IL1RAPL2: variants seen among roughly 807,000 people sequenced by gnomAD.
The protein encoded by IL1RAPL2 is X-linked interleukin-1 receptor accessory protein-like 2.
A neutral mutation model predicts 44.1 loss-of-function variants in IL1RAPL2; 3 were observed. The observed-to-expected ratio is 0.07, with a 90% confidence interval of 0.03 to 0.18. IL1RAPL2 has a LOEUF of 0.18. Ranked by LOEUF, IL1RAPL2 falls within the 10% of genes least tolerant of loss-of-function variation. IL1RAPL2 has a pLI of 1.00. For missense variants in IL1RAPL2, 391 were observed against 496.4 expected (o/e 0.79, Z 2.02); for synonymous variants, 181 against 178.8 (o/e 1.01, Z -0.10).
In IL1RAPL2 at chrX:104,780,938, T is replaced by A. The variant is rs147006949; in HGVS notation, c.82+121943T>A. On this transcript the variant is annotated intron_variant, in intron 2 of 10. Transcript: ENST00000372582. Reference sequence around the variant, plus strand: ...CTTACTTTTAGAGTTTCTTATTCTATCAGAATTCAAATTAACAGAACTTCT... The same window carrying A: ...CTTACTTTTAGAGTTTCTTATTCTAACAGAATTCAAATTAACAGAACTTCT... 8.6e-3 allele frequency among the ~76,000 whole-genome samples: 957 copies of A among 111,898 alleles called. 8 individuals carry two copies. The highest frequency in any genetic ancestry group is 0.03 in the African/African-American group (914 of 30,849).
intron 5 of IL1RAPL2, among the ~76,000 whole-genome samples, chrX:105,333,120 A>G (rs1367801065): frequency 9.0e-6 from 1 of 111,637 alleles, no homozygotes; most frequent in African/African-American, 3.3e-5. Flanking sequence ...AAATTATACT[A>G]CAGCGCTATA....
intron 3 of IL1RAPL2, chrX:105,220,424 C>G: frequency 1.8e-6 from 2 of 1,142,684 alleles, no homozygotes; most frequent in Non-Finnish European, 1.2e-6. Context: ...AACGGTTTCA[C>G]TAGCCCTGTG....
intron 5 of IL1RAPL2, among the ~76,000 whole-genome samples, chrX:105,460,166 T>C (rs1315237461): frequency 1.8e-5 from 2 of 111,135 alleles, no homozygotes; most frequent in East Asian, 5.7e-4. Flanking sequence ...TCATAATAAA[T>C]GGACAAGCAG....
intron 2 of IL1RAPL2, among the ~76,000 whole-genome samples, chrX:104,678,564 T>C (rs1372536540): frequency 8.9e-6 from 1 of 111,933 alleles, no homozygotes; most frequent in Non-Finnish European, 1.9e-5. Context: ...TCTTCCTCAG[T>C]CACTCTAATT....
intron 6 of IL1RAPL2, among the ~76,000 whole-genome samples, chrX:105,489,195 G>A (rs2036291478): frequency 9.0e-6 from 1 of 111,631 alleles, no homozygotes; most frequent in African/African-American, 3.3e-5. Context: ...ACACGTACGT[G>A]CAAAATTCCA....
At chrX:104,716,656 C>T (rs1931572535) in intron 2 of IL1RAPL2, among the ~76,000 whole-genome samples, 1 of 111,201 alleles carries the variant, frequency 9.0e-6, no homozygotes, top group African/African-American at 3.3e-5. Flanking sequence ...ATCCACCCAA[C>T]AAGCATATGA....
chrX:105,538,258 G>T (rs2036693696), intron 6 of IL1RAPL2, among the ~76,000 whole-genome samples: 1 of 108,827 alleles, frequency 9.2e-6, no homozygotes, highest in Non-Finnish European at 1.9e-5. Context: ...GGATGATCTC[G>T]ATCTCCTGAC....
chrX:105,171,001 A>G (rs751768179), intron 2 of IL1RAPL2, among the ~76,000 whole-genome samples: 41 of 111,212 alleles, frequency 3.7e-4, no homozygotes, highest in Admixed American at 9.6e-4. Flanking sequence ...TCCCCTGGAG[A>G]TGTTCAGCTT....
intron 6 of IL1RAPL2, among the ~76,000 whole-genome samples, chrX:105,595,305 C>A (rs2147819965): frequency 9.0e-6 from 1 of 111,438 alleles, no homozygotes; most frequent in African/African-American, 3.3e-5. Flanking sequence ...ATATTTCTTC[C>A]ACCAAACAAG....
chrX:105,675,733 T>C (rs1314329818), intron 6 of IL1RAPL2, among the ~76,000 whole-genome samples: 1 of 111,334 alleles, frequency 9.0e-6, no homozygotes, highest in African/African-American at 3.3e-5. Context: ...TCAGAAGAAA[T>C]GGTATCAGCT....
intron 5 of IL1RAPL2, among the ~76,000 whole-genome samples, chrX:105,400,850 A>G (rs893205441): frequency 4.5e-5 from 5 of 111,918 alleles, no homozygotes; most frequent in African/African-American, 1.6e-4. Flanking sequence ...CTTGACTATT[A>G]TCTTACTCTG....
intron 4 of IL1RAPL2, among the ~76,000 whole-genome samples, chrX:105,256,346 TG>T (rs1569414068): frequency 9.2e-6 from 1 of 108,272 alleles, no homozygotes. Context: ...TTTTTTTTTT[TG>T]AGACGGAGTC....
chrX:105,233,696 G>T, intron 3 of IL1RAPL2, 122 bp from the exon 4 acceptor site: 1 of 551,699 alleles, frequency 1.8e-6, no homozygotes, highest in East Asian at 3.4e-5. Context: ...TTGCTTTGAT[G>T]TTTTTTTCTG....
intron 2 of IL1RAPL2, among the ~76,000 whole-genome samples, chrX:104,758,937 G>C (rs1932383205): frequency 8.9e-6 from 1 of 111,733 alleles, no homozygotes; most frequent in Admixed American, 9.5e-5. Flanking sequence ...GAATTTTGGC[G>C]ATTTTTGAAA....
chrX:105,236,613 C>T (rs1556201984), intron 4 of IL1RAPL2, among the ~76,000 whole-genome samples: 1 of 111,124 alleles, frequency 9.0e-6, no homozygotes, highest in Non-Finnish European at 1.9e-5. Context: ...CCACTCTTAG[C>T]CCCTACAGTA....
At chrX:105,463,511 G>A (rs776361722) in intron 5 of IL1RAPL2, among the ~76,000 whole-genome samples, 41 of 109,915 alleles carry the variant, frequency 3.7e-4, no homozygotes, top group African/African-American at 1.3e-3. Flanking sequence ...TGTGAAAACA[G>A]GGGATTGGGC....
At chrX:104,675,588 G>A (rs1212019037) in intron 2 of IL1RAPL2, among the ~76,000 whole-genome samples, 2 of 111,187 alleles carry the variant, frequency 1.8e-5, no homozygotes, top group African/African-American at 6.6e-5. Flanking sequence ...TATTTGGGGT[G>A]GAGAGTTCTG....
At chrX:105,068,815 C>T (rs1221545901) in intron 2 of IL1RAPL2, among the ~76,000 whole-genome samples, 5 of 111,965 alleles carry the variant, frequency 4.5e-5, no homozygotes, top group Admixed American at 9.5e-5. Context: ...CTGCAAAACA[C>T]GTAAAATGGT....
intron 5 of IL1RAPL2, among the ~76,000 whole-genome samples, chrX:105,340,509 CTG>C (rs2035062279): frequency 8.9e-6 from 1 of 112,179 alleles, no homozygotes; most frequent in African/African-American, 3.2e-5. Context: ...TTGGATACCA[CTG>C]TGACTTCGTC....
Sources: allele counts gnomAD v4.1 joint callset (sites outside exome capture counted in the v4.1 genomes callset), GRCh38; gene constraint gnomAD v4.1.1; transcripts MANE v1.5; gene names NCBI Gene and HGNC (gene_info 2026-07-23, HGNC 2026-07-21).